DOCK1: variants seen among roughly 807,000 people sequenced by gnomAD.
The protein encoded by DOCK1 is dedicator of cytokinesis protein 1.
In DOCK1, 138 loss-of-function variants were observed where a neutral mutation model predicts 262.7. That is an observed-to-expected ratio of 0.53 (90% CI 0.46 to 0.61). The LOEUF (loss-of-function observed/expected upper bound fraction) is 0.61, where lower values mean the gene tolerates loss of function less well. Among genes scored for constraint, DOCK1 ranks in the 20% least tolerant of loss-of-function variants. The pLI is 0.00. For missense variants in DOCK1, 1,908 were observed against 2,370.7 expected, an observed-to-expected ratio of 0.80 and a Z score of 4.05; for synonymous variants, 866 against 867.4, an observed-to-expected ratio of 1.00 and a Z score of 0.03.
chr10:127,406,810 A>C (rs1010648053), intron 40 of DOCK1, among the ~76,000 whole-genome samples: 1 of 152,082 alleles, frequency 6.6e-6, no homozygotes, highest in Non-Finnish European at 1.5e-5. Flanking sequence ...TTTACCTATA[A>C]CTCACTAGCT....
intron 27 of DOCK1, among the ~76,000 whole-genome samples, chr10:127,205,319 C>T (rs1327342888): frequency 6.6e-6 from 1 of 152,206 alleles, no homozygotes; most frequent in African/African-American, 2.4e-5. Context: ...CTGCTTCCGA[C>T]TCCAGCGTGG....
chr10:127,425,870 C>T lies in DOCK1; in HGVS notation c.4777-4C>T. ...TAAGGAATGTCAACCTCTCTGTTTTCCAGATTCCTTTTCTGGCCGAAGGGA... is the reference window on the plus strand; with the variant it reads ...TAAGGAATGTCAACCTCTCTGTTTTTCAGATTCCTTTTCTGGCCGAAGGGA... On this transcript the variant is annotated splice_region_variant and splice_polypyrimidine_tract_variant and intron_variant, in intron 46 of 51. Coordinates refer to ENST00000623213, the MANE Select transcript of DOCK1 (RefSeq NM_001290223.2). 6.2e-7 allele frequency: 1 copy of T among 1,613,990 alleles called. No homozygotes were observed. Among genetic ancestry groups the T allele is most frequent in the Non-Finnish European group, 8.5e-7 (1 of 1,179,882 alleles).
At chr10:127,334,813 A>G (rs1178173646) in intron 29 of DOCK1, among the ~76,000 whole-genome samples, 2 of 152,206 alleles carry the variant, frequency 1.3e-5, no homozygotes, top group Non-Finnish European at 2.9e-5. Flanking sequence ...CTCCTGGCTC[A>G]GAATAAGACA....
At chr10:127,393,883 T>G (rs1298530009) in intron 38 of DOCK1, among the ~76,000 whole-genome samples, 1 of 149,962 alleles carries the variant, frequency 6.7e-6, no homozygotes, top group Non-Finnish European at 1.5e-5. Context: ...CGTTTCCTCC[T>G]TCCCGAGCTA....
At chr10:127,095,740 T>C (rs1052488189) in intron 23 of DOCK1, among the ~76,000 whole-genome samples, 1 of 151,970 alleles carries the variant, frequency 6.6e-6, no homozygotes, top group African/African-American at 2.4e-5. Context: ...TCCTGCACAG[T>C]GAAGACAGTA....
At chr10:127,172,252 AGT>A (rs1472286034) in intron 27 of DOCK1, among the ~76,000 whole-genome samples, 1 of 152,126 alleles carries the variant, frequency 6.6e-6, no homozygotes, top group Non-Finnish European at 1.5e-5. Flanking sequence ...AGTGGAGCAG[AGT>A]GTTACATTTT....
intron 27 of DOCK1, among the ~76,000 whole-genome samples, chr10:127,219,588 TTTATG>T (rs1031613007): frequency 5.3e-5 from 8 of 152,214 alleles, no homozygotes; most frequent in African/African-American, 4.8e-5. Context: ...CAGAACTCTT[TTTATG>T]TTATAAGACT....
intron 27 of DOCK1, among the ~76,000 whole-genome samples, chr10:127,184,807 T>C (rs1211161602): frequency 6.6e-6 from 1 of 152,130 alleles, no homozygotes; most frequent in Non-Finnish European, 1.5e-5. Context: ...GGATAGTCTG[T>C]GTTTGGTGGT....
chr10:127,000,416 T>C, intron 10 of DOCK1, 109 bp downstream of exon 10: 2 of 1,420,170 alleles, frequency 1.4e-6, no homozygotes, highest in Non-Finnish European at 1.9e-6. Flanking sequence ...ATTTATAAGC[T>C]TTTCTGCTGG....
rs74721427 is a variant in DOCK1 at position 127,130,065 on chromosome 10, C to CTTTTT, written c.2847+2328_2847+2332dup. ...CAATCCTGCCTCCAGTTAGGGTCTT[C>CTTTTT]TTTTTTTTTTTTTTTTTTTTTTTTT... On this transcript the variant is annotated intron_variant, in intron 27 of 51. Coordinates refer to ENST00000623213, the MANE Select transcript of DOCK1 (RefSeq NM_001290223.2). Among the ~76,000 whole-genome samples the CTTTTT allele has an allele frequency of 2.1e-3, 243 of 117,510 alleles. 19 individuals carry two copies. The highest frequency in any genetic ancestry group is 9.1e-3 in the African/African-American group (230 of 25,342). 77.1% of individuals were successfully genotyped at this position (117,510 alleles called of 152,430 possible). A position where few individuals can be genotyped will look rare whatever the true frequency, so the allele number is the denominator to read the frequency against.
At chr10:127,134,955 C>T (rs1644430581) in intron 27 of DOCK1, among the ~76,000 whole-genome samples, 1 of 152,066 alleles carries the variant, frequency 6.6e-6, no homozygotes, top group Admixed American at 6.5e-5. Context: ...AGCCTATCTC[C>T]CACTAGGGAG....
At chr10:126,969,885 G>C (rs978673401) in intron 1 of DOCK1, among the ~76,000 whole-genome samples, 1 of 152,202 alleles carries the variant, frequency 6.6e-6, no homozygotes, top group African/African-American at 2.4e-5. Flanking sequence ...TGGCTGGGCT[G>C]TGCAGGATGG....
intron 29 of DOCK1, among the ~76,000 whole-genome samples, chr10:127,318,804 T>G (rs1314314911): frequency 6.6e-6 from 1 of 152,218 alleles, no homozygotes; most frequent in African/African-American, 2.4e-5. Flanking sequence ...CCAGCAAACC[T>G]ATAACTGGGC....
intron 29 of DOCK1, among the ~76,000 whole-genome samples, chr10:127,320,492 G>A (rs2062471997): frequency 6.6e-6 from 1 of 152,134 alleles, no homozygotes; most frequent in African/African-American, 2.4e-5. Context: ...CCGTGCACCA[G>A]GATGGAGAGC....
intron 31 of DOCK1, among the ~76,000 whole-genome samples, chr10:127,352,936 C>T (rs1461315140): frequency 1.3e-5 from 2 of 152,136 alleles, no homozygotes; most frequent in East Asian, 1.9e-4. Context: ...ATGAGAAGAA[C>T]TCTGTGTAGC....
intron 23 of DOCK1, among the ~76,000 whole-genome samples, chr10:127,070,381 G>T (rs2046155824): frequency 6.7e-6 from 1 of 149,170 alleles, no homozygotes; most frequent in Non-Finnish European, 1.5e-5. Flanking sequence ...AGCCTCCCGA[G>T]TAGCTGGGAT....
chr10:127,338,923 G>A (rs1357357007), intron 29 of DOCK1, 83 bp from the exon 30 acceptor site: 1 of 1,192,210 alleles, frequency 8.4e-7, no homozygotes, highest in Non-Finnish European at 1.2e-6. Context: ...GACAGTCTGG[G>A]ATTGTATCTA....
chr10:127,231,589 A>G (rs1047527411), intron 27 of DOCK1, among the ~76,000 whole-genome samples: 1 of 151,928 alleles, frequency 6.6e-6, no homozygotes, highest in Non-Finnish European at 1.5e-5. Context: ...CTGGCTAAAC[A>G]CATTTCTTTG....
chr10:126,965,267 G>A (rs2037577103), intron 1 of DOCK1, among the ~76,000 whole-genome samples: 1 of 152,190 alleles, frequency 6.6e-6, no homozygotes. Flanking sequence ...AAGTGGGGCA[G>A]TCGGAGGCGG....
Sources: allele counts gnomAD v4.1 joint callset (sites outside exome capture counted in the v4.1 genomes callset), GRCh38; gene constraint gnomAD v4.1.1; transcripts MANE v1.5; gene names NCBI Gene and HGNC (gene_info 2026-07-23, HGNC 2026-07-21).